DEAF1: variants seen among roughly 807,000 people sequenced by gnomAD.
The protein encoded by DEAF1 is deformed epidermal autoregulatory factor 1 homolog.
Under a neutral mutation model 58.9 loss-of-function variants are expected in DEAF1, and 53 were observed. That is an observed-to-expected ratio of 0.90 (90% CI 0.72 to 1.13). The LOEUF (loss-of-function observed/expected upper bound fraction) is 1.13, where lower values mean the gene tolerates loss of function less well. DEAF1 is among the 50% of genes most tolerant of loss of function. DEAF1 has a pLI of 0.00. For synonymous variants in DEAF1, 385 were observed against 340.4 expected (o/e 1.13, Z -1.44); for missense variants, 685 against 791.4 (o/e 0.87, Z 1.61).
chr11:703,009 C>T lies in DEAF1; in HGVS notation c.-438+3563G>A, dbSNP rs756286809. On this transcript the variant is annotated intron_variant, in intron 1 of 11. Coordinates refer to the DEAF1 transcript ENST00000683307. ...CCGCCAGCCTGGCCCTCACGGCTGG[C>T]ACCGCCCTCCTCTCTGCCCACTTCC... The T allele has an allele frequency of 2.5e-6, 4 of 1,612,216 alleles. No individual in the cohort carries two copies. The African/African-American group carries it at 4.0e-5, about 16-fold the overall frequency.
chr11:701,824 A>G (rs563629233), intron 1 of DEAF1, among the ~76,000 whole-genome samples: 22 of 152,156 alleles, frequency 1.4e-4, no homozygotes, highest in Admixed American at 2.6e-4. Context: ...TAACCACACA[A>G]TTTGTTCAAG....
intron 10 of DEAF1, among the ~76,000 whole-genome samples, chr11:670,771 G>GTTTTTTTTTTTTTTTTTTTTTTTTTTT (rs199899292): frequency 2.2e-5 from 1 of 45,288 alleles, no homozygotes; most frequent in African/African-American, 7.5e-5. Context: ...TTTTCTTTTT[G>GTTTTTTTTTTTTTTTTTTTTTTTTTTT]TTTTTGTTTT....
intron 4 of DEAF1, 122 bp from the exon 5 acceptor site, chr11:687,119 T>C (rs1275071898): frequency 1.4e-5 from 20 of 1,432,774 alleles, no homozygotes; most frequent in Admixed American, 1.8e-5. Flanking sequence ...TCATGTGATC[T>C]CACCCACCCA....
chr11:655,690 TC>T (rs1396103485), intron 10 of DEAF1, among the ~76,000 whole-genome samples: 1 of 152,198 alleles, frequency 6.6e-6, no homozygotes, highest in Non-Finnish European at 1.5e-5. Context: ...CCTCCCTCCT[TC>T]GCAAACGTGA....
At chr11:650,991 C>T (rs1487929499) in intron 11 of DEAF1, among the ~76,000 whole-genome samples, 2 of 151,442 alleles carry the variant, frequency 1.3e-5, no homozygotes, top group Non-Finnish European at 2.9e-5. Flanking sequence ...GAGATGGAGT[C>T]TCGCTCTGTT....
At chr11:687,291 C>A (rs1265119348) in intron 4 of DEAF1, among the ~76,000 whole-genome samples, 1 of 152,244 alleles carries the variant, frequency 6.6e-6, no homozygotes, top group Admixed American at 6.5e-5. Flanking sequence ...ATCTACAAGT[C>A]CCAAGCTAAC....
chr11:654,339 G>T (rs1294112231), intron 10 of DEAF1, among the ~76,000 whole-genome samples: 1 of 151,014 alleles, frequency 6.6e-6, no homozygotes, highest in Non-Finnish European at 1.5e-5. Context: ...GCTAATTTGT[G>T]TATTTTTAGT....
intron 10 of DEAF1, among the ~76,000 whole-genome samples, chr11:671,072 G>C (rs1178875205): frequency 1.3e-5 from 2 of 151,400 alleles, no homozygotes; most frequent in African/African-American, 4.9e-5. Context: ...GGGACTACAG[G>C]CGCCCGCCAC....
chr11:692,996 G>A (rs997317322), intron 1 of DEAF1, among the ~76,000 whole-genome samples: 1 of 152,228 alleles, frequency 6.6e-6, no homozygotes, highest in Non-Finnish European at 1.5e-5. Context: ...CAGGCCCATG[G>A]CAGCCCTGGG....
At chr11:703,982 C>T (rs971843003) in intron 1 of DEAF1, 14 of 1,229,392 alleles carry the variant, frequency 1.1e-5, no homozygotes, top group Non-Finnish European at 1.3e-5. Context: ...ATCAGTTCTC[C>T]TTAAAAAGTA....
chr11:649,495 G>A (rs985336625), intron 11 of DEAF1, among the ~76,000 whole-genome samples: 20 of 151,900 alleles, frequency 1.3e-4, no homozygotes, highest in South Asian at 2.1e-4. Flanking sequence ...CGAGGCGGGC[G>A]GATCACTTGA....
At chr11:704,435 C>T in intron 1 of DEAF1, 8 of 1,287,832 alleles carry the variant, frequency 6.2e-6, no homozygotes, top group Non-Finnish European at 8.1e-6. Context: ...CTGTCTGTGG[C>T]CCCCAGTGGC....
chr11:674,037 G>A (rs973352226), intron 10 of DEAF1: 6 of 236,064 alleles, frequency 2.5e-5, no homozygotes, highest in African/African-American at 1.4e-4. Flanking sequence ...TACGCCCTGT[G>A]AGCCTCCCAC....
intron 1 of DEAF1, 50 bp downstream of exon 1, chr11:694,709 G>A (rs965083301): frequency 6.3e-6 from 8 of 1,274,152 alleles, no homozygotes; most frequent in African/African-American, 3.1e-5. Context: ...AGGCGCGCGG[G>A]GTAGGCGCGC....
At chr11:695,962 A>C (rs1861127608), upstream of DEAF1, 1 of 827,110 alleles carries the variant, frequency 1.2e-6, no homozygotes, top group Non-Finnish European at 1.6e-6. Context: ...CACCGTCTCT[A>C]CGTGAGCGAG....
At chr11:701,558 C>T (rs563066795) in intron 1 of DEAF1, among the ~76,000 whole-genome samples, 1 of 151,978 alleles carries the variant, frequency 6.6e-6, no homozygotes, top group South Asian at 2.1e-4. Context: ...CTACAGGTGC[C>T]CGCCACCACG....
At chr11:669,036 A>T (rs1859683465) in intron 10 of DEAF1, among the ~76,000 whole-genome samples, 1 of 151,612 alleles carries the variant, frequency 6.6e-6, no homozygotes, top group Non-Finnish European at 1.5e-5. Flanking sequence ...TGTGTTAGCC[A>T]GGATGGTCTC....
At chr11:675,018 A>T (rs184398996) in intron 9 of DEAF1, among the ~76,000 whole-genome samples, 10 of 151,420 alleles carry the variant, frequency 6.6e-5, no homozygotes, top group African/African-American at 1.2e-4. Context: ...AAAATTGGCT[A>T]AAAAAAATAC....
chr11:660,890 C>T (rs201537324), intron 10 of DEAF1, among the ~76,000 whole-genome samples: 11 of 147,604 alleles, frequency 7.5e-5, no homozygotes, highest in Non-Finnish European at 1.2e-4. Context: ...CGCGGCCTTA[C>T]GGTGTTGGGA....
Sources: gnomAD v4.1 joint callset for allele counts (sites outside exome capture counted in the v4.1 genomes callset) on GRCh38, gnomAD v4.1.1 for gene constraint, MANE v1.5 for transcripts, NCBI Gene and HGNC (gene_info 2026-07-23, HGNC 2026-07-21) for gene names.